Variants in VAV1 observed in about 807,000 individuals in gnomAD.
The protein encoded by VAV1 is vav guanine nucleotide exchange factor 1, also known as proto-oncogene vav.
VAV1 carries 33 observed loss-of-function variants against 128.1 expected under a neutral mutation model. The observed-to-expected ratio is 0.26, with a 90% confidence interval of 0.20 to 0.34. VAV1 has a LOEUF of 0.34. Among genes scored for constraint, VAV1 ranks in the 10% least tolerant of loss-of-function variants. The pLI is 1.00. For synonymous variants in VAV1, 394 were observed against 409.8 expected (o/e 0.96, Z 0.47); for missense variants, 715 against 1,093.7 (o/e 0.65, Z 4.88).
intron 1 of VAV1, among the ~76,000 whole-genome samples, chr19:6,787,423 C>T (rs1481647119): frequency 6.6e-5 from 10 of 151,996 alleles, no homozygotes; most frequent in South Asian, 2.1e-4. Flanking sequence ...CAATCTTCCC[C>T]GCCTTGGCCT....
chr19:6,822,585 G>C lies in VAV1; in HGVS notation c.654+71G>C. The C allele has an allele frequency of 2.2e-6, 3 of 1,384,076 alleles. No individual in the cohort carries two copies. The highest frequency in any genetic ancestry group is 2.5e-5 in the South Asian group (2 of 79,574). 85.7% of individuals were successfully genotyped at this position (1,384,076 alleles called of 1,614,324 possible). A position where few individuals can be genotyped will look rare whatever the true frequency, so the allele number is the denominator to read the frequency against. ...TGGGCCGGCAGGTGCACGTCCACCT[G>C]TCCGGCCGCTCTGGGCAGCTGAGGA... On this transcript the variant is annotated intron_variant, in intron 6 of 26. Transcript: ENST00000602142. This position sits in a 1 kb window ranked among gnomAD's most constrained non-coding sequence, Gnocchi z 5.9.
intron 1 of VAV1, among the ~76,000 whole-genome samples, chr19:6,791,211 TCTC>T (rs1971009643): frequency 6.6e-6 from 1 of 152,230 alleles, no homozygotes; most frequent in African/African-American, 2.4e-5. Flanking sequence ...CCTTGAGTTA[TCTC>T]CTCATCTTGA....
At chr19:6,802,166 A>T (rs1042079599) in intron 1 of VAV1, among the ~76,000 whole-genome samples, 1 of 152,046 alleles carries the variant, frequency 6.6e-6, no homozygotes, top group Non-Finnish European at 1.5e-5. Context: ...CAGGAAGGGG[A>T]ACATCACACA....
intron 1 of VAV1, among the ~76,000 whole-genome samples, chr19:6,783,263 ACTT>A (rs1970805566): frequency 6.6e-6 from 1 of 152,226 alleles, no homozygotes; most frequent in African/African-American, 2.4e-5. Flanking sequence ...GTGAGACTTT[ACTT>A]CTTATTGATG....
chr19:6,836,679 C>T, intron 20 of VAV1, 111 bp downstream of exon 20: 2 of 1,490,518 alleles, frequency 1.3e-6, no homozygotes, highest in Non-Finnish European at 1.8e-6. Context: ...GAGGTGATGC[C>T]TGGGGAGTGG....
chr19:6,808,953 G>T (rs1334777033), intron 1 of VAV1, among the ~76,000 whole-genome samples: 1 of 152,274 alleles, frequency 6.6e-6, no homozygotes, highest in Non-Finnish European at 1.5e-5. Context: ...AATTTAGCCT[G>T]AGTGCTTGAA....
chr19:6,828,944 G>A lies in VAV1; in HGVS notation c.1265+44G>A, dbSNP rs1971984245. 1 of 1,605,484 alleles carries A rather than the reference G, an allele frequency of 6.2e-7. No individual in the cohort carries two copies. Among genetic ancestry groups the A allele is most frequent in the Non-Finnish European group, 8.5e-7 (1 of 1,173,850 alleles). On this transcript the variant is annotated intron_variant, in intron 13 of 26. Coordinates refer to ENST00000602142, the MANE Select transcript of VAV1 (RefSeq NM_005428.4). The surrounding 1 kb of genome is among the most constrained non-coding windows in gnomAD (Gnocchi z 4.5). Reference sequence around the variant, plus strand: ...GATCTGGGATGGAGCCTGGGCAAAGGGGTGGGACCAGGCTCCTAGATGGGC... The same window carrying A: ...GATCTGGGATGGAGCCTGGGCAAAGAGGTGGGACCAGGCTCCTAGATGGGC...
rs36097961 is a variant in VAV1, at chr19:6,850,756, C to T, written c.2216C>T (p.Thr739Met). 0.067 allele frequency: 108,345 copies of T among 1,613,662 alleles called. 4,329 individuals carry two copies. Among genetic ancestry groups the T allele is most frequent in the Non-Finnish European group, 0.078 (91,762 of 1,179,722 alleles). Residue 739 changes from threonine to methionine, a missense_variant and splice_region_variant, in exon 24 of 27, where the codon ACG (threonine) becomes ATG (methionine). Physicochemically the swap from Thr to Met is moderately conservative, Grantham distance 81. Around this residue, in one of 3 missense-constraint regions of VAV1, gnomAD observed 407 missense variants for 580.6 expected, o/e 0.70. Transcript: ENST00000602142. ...GAGAAAAAGGCTTTCCGGGGGCTTACGGTAAGGGTCAATGTCCGCTCAATC... is the reference window on the plus strand; with the variant it reads ...GAGAAAAAGGCTTTCCGGGGGCTTATGGTAAGGGTCAATGTCCGCTCAATC... ...ITEKKAFRGL[T>M]ELVEFYQQNS...
rs1970663989 is a variant in VAV1, at chr19:6,777,230, TAACTATCC to T, written c.204+4221_204+4228del. On this transcript the variant is annotated intron_variant, in intron 1 of 26. Transcript: ENST00000602142. This position sits in a 1 kb window ranked among gnomAD's most constrained non-coding sequence, Gnocchi z 4.4. ...TCATTCATCCATCCATTTATCTGTTTAACTATCCATCCATCCATCCATCCATCCATCCA... is the reference window on the plus strand; with the variant it reads ...TCATTCATCCATCCATTTATCTGTTTATCCATCCATCCATCCATCCATCCA... Among the ~76,000 whole-genome samples, 1 of 126,776 alleles carries T rather than the reference TAACTATCC, an allele frequency of 7.9e-6. No individual in the cohort carries two copies. Among genetic ancestry groups the T allele is most frequent in the African/African-American group, 3.1e-5 (1 of 32,748 alleles). 83.2% of individuals were successfully genotyped at this position (126,776 alleles called of 152,430 possible).
intron 19 of VAV1, among the ~76,000 whole-genome samples, chr19:6,835,312 A>G (rs1315312970): frequency 6.6e-6 from 1 of 152,122 alleles, no homozygotes; most frequent in Non-Finnish European, 1.5e-5. Context: ...TCTTAAGTAT[A>G]TGACTTAATA....
At chr19:6,794,098 T>C (rs1296582969) in intron 1 of VAV1, among the ~76,000 whole-genome samples, 3 of 151,762 alleles carry the variant, frequency 2.0e-5, no homozygotes, top group African/African-American at 7.3e-5. Context: ...AAACCAACGG[T>C]AAATGATTTA....
At position 6,828,381 on chromosome 19, in the gene VAV1, AG is replaced by A; in HGVS notation, c.1024-34del. 1 of 1,611,534 alleles carries A rather than the reference AG, an allele frequency of 6.2e-7. No individual in the cohort carries two copies. Among genetic ancestry groups the A allele is most frequent in the South Asian group, 1.1e-5 (1 of 90,992 alleles). ...AGGCCCTCCCCGCAGGGAGAAGGGG[AG>A]GGGCCCAGGTGACGTCTGACGTCTT... is the stretch of plus-strand genomic sequence containing the variant. On this transcript the variant is annotated intron_variant, in intron 10 of 26. Coordinates refer to ENST00000602142, the MANE Select transcript of VAV1 (RefSeq NM_005428.4). This position sits in a 1 kb window ranked among gnomAD's most constrained non-coding sequence, Gnocchi z 4.5.
intron 26 of VAV1, among the ~76,000 whole-genome samples, chr19:6,855,178 G>A (rs145265145): frequency 0.026 from 3,985 of 152,324 alleles, 73 homozygotes; most frequent in Non-Finnish European, 0.042. Context: ...TCAGAAATAT[G>A]TTTGTGTAAT....
Position 6,822,408 on chromosome 19 carries a change from C to G in VAV1, c.559-11C>G, listed in dbSNP as rs1264650507. The G allele has an allele frequency of 1.9e-6, 3 of 1,556,658 alleles. No individual in the cohort carries two copies. The highest frequency in any genetic ancestry group is 2.6e-6 in the Non-Finnish European group (3 of 1,151,852). On this transcript the variant is annotated splice_polypyrimidine_tract_variant and intron_variant, in intron 5 of 26. Transcript: ENST00000602142. This position sits in a 1 kb window ranked among gnomAD's most constrained non-coding sequence, Gnocchi z 5.9. Reference sequence around the variant, plus strand: ...AGGCCCCCCAACACCGGCCTCTCCCCTCGCTCTCAGCCCAAGATGACAGAG... The same window carrying G: ...AGGCCCCCCAACACCGGCCTCTCCCGTCGCTCTCAGCCCAAGATGACAGAG...
chr19:6,794,646 G>A (rs1178315890), intron 1 of VAV1, among the ~76,000 whole-genome samples: 1 of 152,142 alleles, frequency 6.6e-6, no homozygotes, highest in African/African-American at 2.4e-5. Flanking sequence ...ACTATGTTCA[G>A]GTGTTGTTCT....
chr19:6,816,479 C>A (rs986539787), intron 1 of VAV1: 1 of 136,882 alleles, frequency 7.3e-6, no homozygotes, highest in Non-Finnish European at 1.6e-5. Flanking sequence ...AGAGTGAGAG[C>A]ATCTCTCTCT....
intron 26 of VAV1, among the ~76,000 whole-genome samples, chr19:6,854,567 C>A: frequency 6.6e-6 from 1 of 151,918 alleles, no homozygotes; most frequent in East Asian, 1.9e-4. Flanking sequence ...AAAATAAAAA[C>A]AAAAACATTA....
chr19:6,841,478 C>CTTTTTTTTTTTTTT (rs35484934), intron 21 of VAV1, among the ~76,000 whole-genome samples: 2 of 135,630 alleles, frequency 1.5e-5, no homozygotes, highest in African/African-American at 2.7e-5. Context: ...TTTTTCTTTT[C>CTTTTTTTTTTTTTT]TTTTTTTTTT....
At chr19:6,839,788 T>C (rs1394788070) in intron 21 of VAV1, among the ~76,000 whole-genome samples, 4 of 152,050 alleles carry the variant, frequency 2.6e-5, no homozygotes, top group Non-Finnish European at 5.9e-5. Flanking sequence ...CCTCCCAGGC[T>C]CAGGTGGTCC....
Sources: gnomAD v4.1 joint callset for allele counts (sites outside exome capture counted in the v4.1 genomes callset) on GRCh38, gnomAD v4.1.1 for gene constraint, gnomAD v4.1.1 regional missense constraint, Gnocchi (gnomAD v3.1) non-coding constraint, MANE v1.5 for transcripts, NCBI Gene and HGNC (gene_info 2026-07-23, HGNC 2026-07-21) for gene names.